Variants in ZBTB21 observed in about 807,000 individuals in gnomAD.
ZBTB21 encodes the protein zinc finger and BTB domain containing 21.
Under a neutral mutation model 39.8 loss-of-function variants are expected in ZBTB21, and 10 were observed. That is an observed-to-expected ratio of 0.25 (90% CI 0.16 to 0.43). The LOEUF is 0.43. Among genes scored for constraint, ZBTB21 ranks in the 20% least tolerant of loss-of-function variants. ZBTB21 has a pLI of 1.00. For synonymous variants in ZBTB21, 551 were observed against 498.8 expected (o/e 1.10, Z -1.40); for missense variants, 1,221 against 1,296.3 (o/e 0.94, Z 0.89).
At chr21:41,998,680 C>A (rs2146312472) in intron 2 of ZBTB21, among the ~76,000 whole-genome samples, 1 of 152,286 alleles carries the variant, frequency 6.6e-6, no homozygotes, top group Non-Finnish European at 1.5e-5. Flanking sequence ...GTTACCCCAG[C>A]CACCAGGCTC....
chr21:41,999,151 A>G (rs981678786), intron 2 of ZBTB21, among the ~76,000 whole-genome samples: 2 of 152,238 alleles, frequency 1.3e-5, no homozygotes, highest in African/African-American at 4.8e-5. Context: ...TTTAGCACTA[A>G]TAATTTTTGA....
chr21:41,987,420 G>T lies in ZBTB21; in HGVS notation c.*3475C>A, dbSNP rs1245036675. On this transcript the variant is annotated 3_prime_UTR_variant, in exon 3 of 3. Coordinates refer to ENST00000310826, the MANE Select transcript of ZBTB21 (RefSeq NM_001098402.2). ...ATTACAAAAAATTAAACTTCTTAAAGTGCTAAAACCACAAAAAGCCATAAA... is the reference window on the plus strand; with the variant it reads ...ATTACAAAAAATTAAACTTCTTAAATTGCTAAAACCACAAAAAGCCATAAA... The T allele has an allele frequency of 2.0e-5, 3 of 152,138 alleles. No homozygotes were observed. Among genetic ancestry groups the T allele is most frequent in the African/African-American group, 4.8e-5 (2 of 41,420 alleles). The allele number at this position is 152,138 out of a possible 1,614,324, so 9.4% of individuals were successfully genotyped here.
In ZBTB21 at chr21:41,993,030, A is replaced by C. The variant is rs1409758647; in HGVS notation, c.1066T>G (p.Ser356Ala). 6.2e-7 allele frequency: 1 copy of C among 1,614,074 alleles called. No homozygotes were observed. The highest frequency in any genetic ancestry group is 8.5e-7 in the Non-Finnish European group (1 of 1,180,048). The change falls in exon 3 of 3, where the codon TCC (serine) becomes GCC (alanine). Residue 356 changes from serine to alanine, a missense_variant. Transcript: ENST00000310826. ...MDSQVPVYSP[S>A]IDLKSSQGSS... is the part of the protein sequence containing the mutation. Reference sequence around the variant, plus strand: ...CCCTGGGAAGATTTCAAATCTATGGAAGGTGAATAGACAGGAACCTGGCTA... The same window carrying C: ...CCCTGGGAAGATTTCAAATCTATGGCAGGTGAATAGACAGGAACCTGGCTA...
chr21:42,000,356 A>T (rs2065803081), intron 2 of ZBTB21, among the ~76,000 whole-genome samples: 1 of 152,150 alleles, frequency 6.6e-6, no homozygotes. Context: ...ATCAGTTCCC[A>T]AATAAACGTC....
intron 1 of ZBTB21, among the ~76,000 whole-genome samples, chr21:42,006,213 G>A (rs2065876429): frequency 1.3e-5 from 2 of 152,062 alleles, no homozygotes; most frequent in African/African-American, 4.8e-5. Context: ...TCAGGAGTTC[G>A]AGACCAGCCT....
At position 41,990,494 on chromosome 21, in the gene ZBTB21, A is replaced by G. The variant is rs1249174726; in HGVS notation, c.*401T>C. 2 of 154,080 alleles carry G rather than the reference A, an allele frequency of 1.3e-5. No homozygotes were observed. The highest frequency in any genetic ancestry group is 4.8e-5 in the African/African-American group (2 of 41,510). 9.5% of individuals were successfully genotyped at this position (154,080 alleles called of 1,614,324 possible). ...CTATTTTGGACTTAAGAACATGGTTAAGATTTAACTAGAACTCAAGTGTCT... is the reference window on the plus strand; with the variant it reads ...CTATTTTGGACTTAAGAACATGGTTGAGATTTAACTAGAACTCAAGTGTCT... On this transcript the variant is annotated 3_prime_UTR_variant, in exon 3 of 3. Coordinates refer to ENST00000310826, the MANE Select transcript of ZBTB21 (RefSeq NM_001098402.2).
intron 2 of ZBTB21, among the ~76,000 whole-genome samples, chr21:41,999,588 T>C (rs998808176): frequency 1.3e-5 from 2 of 152,228 alleles, no homozygotes; most frequent in East Asian, 3.8e-4. Context: ...AAGATAATAA[T>C]AGTCGCTACC....
At chr21:42,007,445 T>C (rs1305333897) in intron 1 of ZBTB21, among the ~76,000 whole-genome samples, 4 of 152,230 alleles carry the variant, frequency 2.6e-5, no homozygotes, top group Non-Finnish European at 5.9e-5. Flanking sequence ...TATTGGACAC[T>C]ACTTACCATC....
intron 1 of ZBTB21, among the ~76,000 whole-genome samples, chr21:42,008,967 A>T (rs769308225): frequency 7.9e-5 from 12 of 152,200 alleles, no homozygotes; most frequent in Non-Finnish European, 1.8e-4. Context: ...AAATCTTTCT[A>T]AAATGGATTA....
chr21:42,009,501 G>C (rs2065929602), intron 1 of ZBTB21: 1 of 152,518 alleles, frequency 6.6e-6, no homozygotes, highest in African/African-American at 2.4e-5. Context: ...TCCAAGCGGG[G>C]AGACGGTCGC....
At chr21:42,010,194 G>A (rs1052295360) in intron 1 of ZBTB21, 58 bp downstream of exon 1, 1 of 394,948 alleles carries the variant, frequency 2.5e-6, no homozygotes, top group Non-Finnish European at 4.5e-6. Flanking sequence ...CGGGGAGGCT[G>A]TAGCCTCCCA....
At chr21:42,003,625 A>G (rs2065843682) in intron 1 of ZBTB21, among the ~76,000 whole-genome samples, 1 of 152,222 alleles carries the variant, frequency 6.6e-6, no homozygotes, top group African/African-American at 2.4e-5. Flanking sequence ...CATGATGCAC[A>G]AAGGAAAGGC....
chr21:41,992,156 T>G lies in ZBTB21; in HGVS notation c.1940A>C (p.Gln647Pro). 1 of 1,614,226 alleles carries G rather than the reference T, an allele frequency of 6.2e-7. No homozygotes were observed. The highest frequency in any genetic ancestry group is 8.5e-7 in the Non-Finnish European group (1 of 1,180,046). ...CTGTGCTTGGGAGCTACTCTGTCCC[T>G]GAAAACCAGGCTTGCCGCGCCTTAA... ...IKLRRGKPGFQGQSSSQAQQV... is the reference protein window; with the variant it reads ...IKLRRGKPGFPGQSSSQAQQV... The change falls in exon 3 of 3, where the codon CAG (glutamine) becomes CCG (proline). Residue 647 changes from glutamine (Q) to proline (P), a missense_variant. Gln to Pro is a moderately conservative substitution (Grantham distance 76). This residue lies in a region of ZBTB21 where 523 missense variants were observed against 542.5 expected (regional missense o/e 0.96). Transcript: ENST00000310826. This position sits in a 1 kb window ranked among gnomAD's most constrained non-coding sequence, Gnocchi z 4.1.
chr21:41,988,464 A>C lies in ZBTB21; in HGVS notation c.*2431T>G, dbSNP rs976594188. On this transcript the variant is annotated 3_prime_UTR_variant, in exon 3 of 3. Coordinates refer to ENST00000310826, the MANE Select transcript of ZBTB21 (RefSeq NM_001098402.2). Reference sequence around the variant, plus strand: ...CTGGCTGAGATAAACATTCTTAAAAAACTTTACTGAATAAAGTAATTAACA... The same window carrying C: ...CTGGCTGAGATAAACATTCTTAAAACACTTTACTGAATAAAGTAATTAACA... 6.6e-6 allele frequency: 1 copy of C among 152,244 alleles called. No individual in the cohort carries two copies. Among genetic ancestry groups the C allele is most frequent in the African/African-American group, 2.4e-5 (1 of 41,468 alleles). The allele number at this position is 152,244 out of a possible 1,614,324, so 9.4% of individuals were successfully genotyped here.
chr21:41,988,561 A>T lies in ZBTB21; in HGVS notation c.*2334T>A, dbSNP rs1398716399. 1 of 152,170 alleles carries T rather than the reference A, an allele frequency of 6.6e-6. No individual in the cohort carries two copies. The highest frequency in any genetic ancestry group is 1.5e-5 in the Non-Finnish European group (1 of 67,988). The allele number at this position is 152,170 out of a possible 1,614,324, so 9.4% of individuals were successfully genotyped here. A position where few individuals can be genotyped will look rare whatever the true frequency, so the allele number is the denominator to read the frequency against. On this transcript the variant is annotated 3_prime_UTR_variant, in exon 3 of 3. Coordinates refer to ENST00000310826, the MANE Select transcript of ZBTB21 (RefSeq NM_001098402.2). The stretch of plus-strand genomic sequence containing the variant: ...TGGAAGCATATTTTTTTTGACCACC[A>T]AAATAAACTCTTTCAGCCTAATGCT...
At chr21:42,006,954 T>C (rs1195083257) in intron 1 of ZBTB21, among the ~76,000 whole-genome samples, 1 of 152,224 alleles carries the variant, frequency 6.6e-6, no homozygotes, top group African/African-American at 2.4e-5. Flanking sequence ...CTTGGACTTC[T>C]AGCTTTCAGA....
rs1427551827 is a variant in ZBTB21, at chr21:41,993,925, ACT to A, written c.169_170del (p.Ser57PhefsTer5). ...VLAASSEYFQ[S>X]LFTNKENESQ... ...ACTCATTTTCCTTATTTGTGAATAA[ACT>A]CTGAAAGTATTCGCTGCTGGCAGCC... On this transcript the variant is annotated frameshift_variant, in exon 3 of 3. Coordinates refer to ENST00000310826, the MANE Select transcript of ZBTB21 (RefSeq NM_001098402.2). LOFTEE classifies it low-confidence loss of function (END_TRUNC). The A allele has an allele frequency of 1.2e-6, 2 of 1,614,114 alleles. No individual in the cohort carries two copies. The highest frequency in any genetic ancestry group is 1.7e-6 in the Non-Finnish European group (2 of 1,180,016).
Position 41,990,742 on chromosome 21 carries a change from G to C in ZBTB21, c.*153C>G, listed in dbSNP as rs2065638410. The stretch of plus-strand genomic sequence containing the variant: ...TTTCTAAAGTTAAGGACATTACTAA[G>C]TAATTATCAATTTGCCTCCAACTTA... On this transcript the variant is annotated 3_prime_UTR_variant, in exon 3 of 3. Transcript: ENST00000310826. 4 of 685,276 alleles carry C rather than the reference G, an allele frequency of 5.8e-6. No individual in the cohort carries two copies. In the South Asian group the frequency reaches 1.3e-4, roughly 21 times the overall value. The allele number at this position is 685,276 out of a possible 1,614,324, so 42.4% of individuals were successfully genotyped here.
chr21:41,999,592 C>T (rs369257813), intron 2 of ZBTB21, among the ~76,000 whole-genome samples: 11 of 152,280 alleles, frequency 7.2e-5, no homozygotes, highest in East Asian at 5.8e-4. Flanking sequence ...TAATAATAGT[C>T]GCTACCATTT....
Sources: allele counts gnomAD v4.1 joint callset (sites outside exome capture counted in the v4.1 genomes callset), GRCh38; gene constraint gnomAD v4.1.1; regional missense constraint gnomAD v4.1.1; non-coding constraint Gnocchi (gnomAD v3.1); transcripts MANE v1.5; gene names NCBI Gene and HGNC (gene_info 2026-07-23, HGNC 2026-07-21).